The following CHN2 variants were observed in gnomAD, a reference collection of about 807,000 sequenced individuals.
CHN2 encodes the protein chimerin 2.
A neutral mutation model predicts 56.3 loss-of-function variants in CHN2; 35 were observed. The observed-to-expected ratio is 0.62, with a 90% CI of 0.47 to 0.82. CHN2 has a LOEUF of 0.82. Among genes scored for constraint, CHN2 ranks in the 40% least tolerant of loss-of-function variants. The pLI, the probability that CHN2 is intolerant of heterozygous loss-of-function variation, is 0.00. For missense variants in CHN2, 491 were observed against 580.5 expected (o/e 0.85, Z 1.58); for synonymous variants, 210 against 212.8 (o/e 0.99, Z 0.12).
At chr7:29,456,602 A>ACCCCCCCCCCCCCC (rs1784771174) in intron 6 of CHN2, among the ~76,000 whole-genome samples, 3 of 29,464 alleles carry the variant, frequency 1.0e-4, no homozygotes, top group African/African-American at 3.9e-4. Flanking sequence ...TGCCCCTGCC[A>ACCCCCCCCCCCCCC]CCACCCGCCC....
chr7:29,189,825 C>A (rs529386948), upstream of CHN2, among the ~76,000 whole-genome samples: 1 of 152,178 alleles, frequency 6.6e-6, no homozygotes, highest in Non-Finnish European at 1.5e-5. Context: ...GGCAATACCC[C>A]CAAGCCCCCC....
intron 1 of CHN2, among the ~76,000 whole-genome samples, chr7:29,244,764 C>T (rs1787943312): frequency 1.3e-5 from 2 of 152,138 alleles, no homozygotes; most frequent in South Asian, 2.1e-4. Flanking sequence ...ACCAGTGTAA[C>T]GTTGAGCAAG....
chr7:29,358,794 G>A (rs955096883), intron 2 of CHN2, among the ~76,000 whole-genome samples: 12 of 152,144 alleles, frequency 7.9e-5, no homozygotes, highest in African/African-American at 2.4e-4. Flanking sequence ...CGGTTTCTAC[G>A]TTTTATTCTT....
intron 1 of CHN2, among the ~76,000 whole-genome samples, chr7:29,323,491 G>A (rs1271841096): frequency 1.3e-5 from 2 of 152,078 alleles, no homozygotes; most frequent in African/African-American, 4.8e-5. Flanking sequence ...ACAGCCTGAG[G>A]GATTCTTCCT....
At chr7:29,351,757 T>G (rs1290291224) in intron 1 of CHN2, among the ~76,000 whole-genome samples, 3 of 152,226 alleles carry the variant, frequency 2.0e-5, no homozygotes, top group Admixed American at 1.3e-4. Context: ...AGGGAAAAAT[T>G]GTCTACGGTG....
At chr7:29,413,758 T>G (rs1381989501) in intron 6 of CHN2, among the ~76,000 whole-genome samples, 2 of 152,206 alleles carry the variant, frequency 1.3e-5, no homozygotes, top group Non-Finnish European at 2.9e-5. Flanking sequence ...CAGGCTGTAC[T>G]TTCCACTGGA....
intron 6 of CHN2, among the ~76,000 whole-genome samples, chr7:29,470,078 A>G (rs1785898270): frequency 6.6e-6 from 1 of 152,234 alleles, no homozygotes; most frequent in Admixed American, 6.5e-5. Context: ...CCCCTGGAAT[A>G]TTTACACTTG....
chr7:29,181,572 T>G (rs1017107481), intron 2 of CHN2, among the ~76,000 whole-genome samples: 1 of 152,222 alleles, frequency 6.6e-6, no homozygotes, highest in Non-Finnish European at 1.5e-5. Flanking sequence ...AATTTTATAT[T>G]GCCATTAAAA....
At chr7:29,183,923 A>T (rs1387282699) in intron 2 of CHN2, among the ~76,000 whole-genome samples, 1 of 152,208 alleles carries the variant, frequency 6.6e-6, no homozygotes, top group Non-Finnish European at 1.5e-5. Flanking sequence ...ATAAAAAACA[A>T]TGGGGCATAA....
chr7:29,409,524 C>T (rs1056993557), intron 6 of CHN2, among the ~76,000 whole-genome samples: 5 of 152,146 alleles, frequency 3.3e-5, no homozygotes, highest in Admixed American at 1.3e-4. Flanking sequence ...TGGCTTCTCA[C>T]ATCTGCTCCT....
chr7:29,436,527 C>T (rs546940317), intron 6 of CHN2, among the ~76,000 whole-genome samples: 1 of 152,226 alleles, frequency 6.6e-6, no homozygotes, highest in South Asian at 2.1e-4. Flanking sequence ...CCGTTGTCCC[C>T]AGCTTGGCTA....
Position 29,424,085 on chromosome 7 carries a change from T to C in CHN2, c.576+23257T>C, listed in dbSNP as rs143426117. Among the ~76,000 whole-genome samples the C allele has an allele frequency of 7.6e-3, 1,153 of 152,358 alleles. 3 individuals carry two copies. Among genetic ancestry groups the C allele is most frequent in the Non-Finnish European group, 0.013 (886 of 68,036 alleles). Reference sequence around the variant, plus strand: ...GAAAACCCACTATAGTAGAGTTCCATTGTTTAGCACTGAAGTATTATTCAA... The same window carrying C: ...GAAAACCCACTATAGTAGAGTTCCACTGTTTAGCACTGAAGTATTATTCAA... On this transcript the variant is annotated intron_variant, in intron 6 of 12. Transcript: ENST00000222792.
At chr7:29,245,522 A>G (rs1337550837) in intron 1 of CHN2, among the ~76,000 whole-genome samples, 1 of 152,196 alleles carries the variant, frequency 6.6e-6, no homozygotes, top group African/African-American at 2.4e-5. Context: ...TAATGATAAT[A>G]TTTTCCATTT....
At chr7:29,448,643 T>C (rs1784193392) in intron 6 of CHN2, among the ~76,000 whole-genome samples, 1 of 152,222 alleles carries the variant, frequency 6.6e-6, no homozygotes, top group Admixed American at 6.5e-5. Flanking sequence ...TAGATCACCC[T>C]GTAACTCACC....
At position 29,260,025 on chromosome 7, in the gene CHN2, T is replaced by G. The variant is rs528902292; in HGVS notation, c.49+65035T>G. On this transcript the variant is annotated intron_variant, in intron 1 of 12. Coordinates refer to ENST00000222792, the MANE Select transcript of CHN2 (RefSeq NM_004067.4). Reference sequence around the variant, plus strand: ...TGGAGTCTTGCTCTGTTGCCCAGCTTGGAGTGCAGTGGTGCGATCTTGGCT... The same window carrying G: ...TGGAGTCTTGCTCTGTTGCCCAGCTGGGAGTGCAGTGGTGCGATCTTGGCT... 2.6e-5 allele frequency among the ~76,000 whole-genome samples: 4 copies of G among 152,298 alleles called. No homozygotes were observed. In the South Asian group the frequency reaches 6.2e-4, roughly 24 times the overall value.
intron 6 of CHN2, among the ~76,000 whole-genome samples, chr7:29,452,882 T>C (rs1784499803): frequency 6.6e-6 from 1 of 152,218 alleles, no homozygotes; most frequent in Non-Finnish European, 1.5e-5. Flanking sequence ...TCATCCCGAC[T>C]CCACTGCTTC....
intron 2 of CHN2, among the ~76,000 whole-genome samples, chr7:29,183,374 G>A (rs546042185): frequency 1.3e-4 from 19 of 146,912 alleles, no homozygotes; most frequent in Non-Finnish European, 2.4e-4. Context: ...GTGAGCCACC[G>A]TGCCTAGCCT....
At chr7:29,355,739 C>G (rs1015653845) in intron 2 of CHN2, among the ~76,000 whole-genome samples, 1 of 150,328 alleles carries the variant, frequency 6.7e-6, no homozygotes, top group Non-Finnish European at 1.5e-5. Context: ...AGCCAAGTCC[C>G]GAATTCTTAC....
intron 2 of CHN2, among the ~76,000 whole-genome samples, chr7:29,362,590 T>A (rs955388288): frequency 2.6e-5 from 4 of 152,054 alleles, no homozygotes; most frequent in Non-Finnish European, 5.9e-5. Context: ...TTCTCACACA[T>A]CCCACGCCCT....
Sources: allele counts gnomAD v4.1 joint callset (sites outside exome capture counted in the v4.1 genomes callset), GRCh38; gene constraint gnomAD v4.1.1; transcripts MANE v1.5; gene names NCBI Gene and HGNC (gene_info 2026-07-23, HGNC 2026-07-21).